Variants in COL12A1 observed in about 807,000 individuals in gnomAD.
The protein encoded by COL12A1 is collagen type XII alpha 1 chain.
COL12A1 carries 114 observed loss-of-function variants against 349.7 expected under a neutral mutation model. The observed-to-expected ratio is 0.33, with a 90% CI of 0.28 to 0.38. COL12A1 has a LOEUF of 0.38. Ranked by LOEUF, COL12A1 falls within the 10% of genes least tolerant of loss-of-function variation. The pLI is 1.00. For synonymous variants in COL12A1, 1,369 were observed against 1,329.0 expected (o/e 1.03, Z -0.66); for missense variants, 3,284 against 3,756.9 (o/e 0.87, Z 3.29).
At position 75,145,279 on chromosome 6, in the gene COL12A1, T is replaced by G. The variant is rs773422937; in HGVS notation, c.4690+47A>C. 8 of 1,481,906 alleles carry G rather than the reference T, an allele frequency of 5.4e-6. No homozygotes were observed. In the South Asian group the frequency reaches 5.9e-5, roughly 11 times the overall value. The allele number at this position is 1,481,906 out of a possible 1,614,324, so 91.8% of individuals were successfully genotyped here. On this transcript the variant is annotated intron_variant, in intron 25 of 65. Transcript: ENST00000322507. ...ACATGAAATAAATTCTAATGAACATTATGCTCACAGCAATAAGAAGGGAAA... is the reference window on the plus strand; with the variant it reads ...ACATGAAATAAATTCTAATGAACATGATGCTCACAGCAATAAGAAGGGAAA...
chr6:75,086,660 A>G (rs984104483), intron 65 of COL12A1, 103 bp from the exon 66 acceptor site: 1 of 358,504 alleles, frequency 2.8e-6, no homozygotes, highest in Non-Finnish European at 4.6e-6. Context: ...ATATATATAT[A>G]TATATATATA....
At chr6:75,204,661 G>A (rs1770686818) in intron 1 of COL12A1, among the ~76,000 whole-genome samples, 1 of 152,076 alleles carries the variant, frequency 6.6e-6, no homozygotes, top group African/African-American at 2.4e-5. Context: ...GAATAAAAAT[G>A]AGTCCACTGG....
In COL12A1 at chr6:75,134,869, G is replaced by C. The variant is rs781463753; in HGVS notation, c.5395-14C>G. 3.1e-6 allele frequency: 5 copies of C among 1,606,780 alleles called. No homozygotes were observed. Among genetic ancestry groups the C allele is most frequent in the South Asian group, 1.1e-5 (1 of 89,884 alleles). ...TCCTATTGTGGTCTTGAGTAAAAAG[G>C]GTCTTGGTAAGTGTCAGCCTTGCTC... On this transcript the variant is annotated splice_polypyrimidine_tract_variant and intron_variant, in intron 31 of 65. Coordinates refer to ENST00000322507, the MANE Select transcript of COL12A1 (RefSeq NM_004370.6).
intron 14 of COL12A1, among the ~76,000 whole-genome samples, chr6:75,162,230 A>G (rs1186329880): frequency 6.6e-6 from 1 of 152,206 alleles, no homozygotes; most frequent in Admixed American, 6.5e-5. Flanking sequence ...TGGAGGCATC[A>G]AGCTACCTGA....
intron 2 of COL12A1, among the ~76,000 whole-genome samples, chr6:75,196,265 T>C (rs1770222277): frequency 6.6e-6 from 1 of 152,224 alleles, no homozygotes; most frequent in Non-Finnish European, 1.5e-5. Flanking sequence ...AAGTATTCCT[T>C]GTGAGTCAGA....
chr6:75,156,527 G>C lies in COL12A1; in HGVS notation c.2984-4C>G. Reference sequence around the variant, plus strand: ...AGGGTTTTGGAATCTTGAGATACTGGGAGATAAAAGGAAGATTAAACTGTA... The same window carrying C: ...AGGGTTTTGGAATCTTGAGATACTGCGAGATAAAAGGAAGATTAAACTGTA... On this transcript the variant is annotated splice_region_variant and splice_polypyrimidine_tract_variant and intron_variant, in intron 14 of 65. Transcript: ENST00000322507. 1 of 1,612,510 alleles carries C rather than the reference G, an allele frequency of 6.2e-7. No individual in the cohort carries two copies. Among genetic ancestry groups the C allele is most frequent in the Non-Finnish European group, 8.5e-7 (1 of 1,179,226 alleles).
chr6:75,123,792 C>T (rs1049570999), intron 42 of COL12A1, among the ~76,000 whole-genome samples, 156 bp downstream of exon 42: 8 of 152,144 alleles, frequency 5.3e-5, no homozygotes, highest in African/African-American at 1.9e-4. Context: ...GGTCCTGAAC[C>T]AGCTTTAGAC....
chr6:75,097,078 A>T (rs1238148038), intron 59 of COL12A1, among the ~76,000 whole-genome samples, 175 bp downstream of exon 59: 3 of 152,144 alleles, frequency 2.0e-5, no homozygotes, highest in Non-Finnish European at 2.9e-5. Context: ...AAGATTCTGT[A>T]TTTTAACACG....
intron 17 of COL12A1, among the ~76,000 whole-genome samples, chr6:75,153,383 A>G (rs1582141793): frequency 6.6e-6 from 1 of 152,168 alleles, no homozygotes; most frequent in African/African-American, 2.4e-5. Context: ...ATATCATCAT[A>G]AGAGAAACAA....
At position 75,194,837 on chromosome 6, in the gene COL12A1, T is replaced by C. The variant is rs1183300150; in HGVS notation, c.184A>G (p.Thr62Ala). The change falls in exon 3 of 66, where the codon ACA becomes GCA. Residue 62 changes from threonine (T) to alanine (A), a missense_variant. Thr to Ala is a moderately conservative substitution (Grantham distance 58, BLOSUM62 0). Transcript: ENST00000322507. ...CCCCAGTCTCAAAACTTACCCGTTGTAGGGTCCACCGTTATTCTGTAACCC... is the reference window on the plus strand; with the variant it reads ...CCCCAGTCTCAAAACTTACCCGTTGCAGGGTCCACCGTTATTCTGTAACCC... Reference protein sequence around the residue: ...IVGYRITVDPTTDGPTKEFTL... With the variant: ...IVGYRITVDPATDGPTKEFTL... 2 of 1,604,932 alleles carry C rather than the reference T, an allele frequency of 1.2e-6. No homozygotes were observed. Among genetic ancestry groups the C allele is most frequent in the Non-Finnish European group, 8.5e-7 (1 of 1,174,380 alleles).
intron 13 of COL12A1, 21 bp downstream of exon 13, chr6:75,175,017 A>G (rs761112407): frequency 1.9e-6 from 3 of 1,610,748 alleles, no homozygotes; most frequent in Non-Finnish European, 1.7e-6. Context: ...CTGGATTTTC[A>G]GAAAATATGA....
At chr6:75,149,880 A>G (rs1767394164) in intron 21 of COL12A1, among the ~76,000 whole-genome samples, 1 of 152,232 alleles carries the variant, frequency 6.6e-6, no homozygotes, top group Non-Finnish European at 1.5e-5. Flanking sequence ...ATCCCACTCA[A>G]AGTTCTCTCC....
intron 8 of COL12A1, 142 bp from the exon 9 acceptor site, chr6:75,184,286 C>T: frequency 2.2e-6 from 2 of 901,958 alleles, no homozygotes; most frequent in Non-Finnish European, 3.3e-6. Flanking sequence ...CCGCCTCAGT[C>T]CCCAATTTCA....
chr6:75,084,877 T>G lies in COL12A1; in HGVS notation c.*1670A>C, dbSNP rs545975430. On this transcript the variant is annotated 3_prime_UTR_variant, in exon 66 of 66. Coordinates refer to ENST00000322507, the MANE Select transcript of COL12A1 (RefSeq NM_004370.6). ...GCAGCTCTGGGTTCCAGGACTTAAC[T>G]GCTTAACCTAAGAGTTTCACTGAGG... is the stretch of plus-strand genomic sequence containing the variant. The G allele has an allele frequency of 5.7e-6, 1 of 174,442 alleles. No individual in the cohort carries two copies. The highest frequency in any genetic ancestry group is 2.4e-5 in the African/African-American group (1 of 42,412). 10.8% of individuals were successfully genotyped at this position (174,442 alleles called of 1,614,324 possible).
chr6:75,117,701 A>T, intron 46 of COL12A1, 155 bp from the exon 47 acceptor site: 1 of 638,312 alleles, frequency 1.6e-6, no homozygotes, highest in Non-Finnish European at 2.5e-6. Context: ...TAATAAATAC[A>T]TACTTTTTCC....
intron 40 of COL12A1, 91 bp downstream of exon 40, chr6:75,125,036 G>A: frequency 1.6e-6 from 2 of 1,277,782 alleles, no homozygotes; most frequent in East Asian, 2.6e-5. Context: ...GAGGAAACAT[G>A]TATATGTTCA....
chr6:75,199,388 T>C (rs1159548042), intron 2 of COL12A1, among the ~76,000 whole-genome samples: 1 of 152,176 alleles, frequency 6.6e-6, no homozygotes, highest in East Asian at 1.9e-4. Context: ...TAAAAATATA[T>C]ACAAATTAGT....
chr6:75,119,174 G>T lies in COL12A1; in HGVS notation c.7223C>A (p.Thr2408Lys). ...GGNTRTGKALTFIKEKVLTWE... is the reference protein window; with the variant it reads ...GGNTRTGKALKFIKEKVLTWE... ...AGTCAAGACTTTCTCCTTGATAAAC[G>T]TGAGGGCCTTGCCTACAGAATGTGG... Residue 2408 changes from threonine (T) to lysine (K), a missense_variant, in exon 46 of 66, where the codon ACG (threonine) becomes AAG (lysine). Thr to Lys is a moderately conservative substitution (Grantham distance 78). Around this residue, in one of 2 missense-constraint regions of COL12A1, gnomAD observed 683 missense variants for 932.1 expected, o/e 0.73. Coordinates refer to ENST00000322507, the MANE Select transcript of COL12A1 (RefSeq NM_004370.6). 1 of 1,613,896 alleles carries T rather than the reference G, an allele frequency of 6.2e-7. No homozygotes were observed. The highest frequency in any genetic ancestry group is 8.5e-7 in the Non-Finnish European group (1 of 1,179,884).
At chr6:75,197,853 C>T (rs910772674) in intron 2 of COL12A1, among the ~76,000 whole-genome samples, 7 of 152,060 alleles carry the variant, frequency 4.6e-5, no homozygotes, top group South Asian at 2.1e-4. Context: ...CGCTATGCTA[C>T]GAAGACTCAT....
Sources: gnomAD v4.1 joint callset for allele counts (sites outside exome capture counted in the v4.1 genomes callset) on GRCh38, gnomAD v4.1.1 for gene constraint, gnomAD v4.1.1 regional missense constraint, MANE v1.5 for transcripts, NCBI Gene and HGNC (gene_info 2026-07-23, HGNC 2026-07-21) for gene names.